The following UGGT1 variants were observed in gnomAD, a reference collection of about 807,000 sequenced individuals.
UGGT1 encodes the protein UDP-glucose:glycoprotein glucosyltransferase 1.
A neutral mutation model predicts 203.9 loss-of-function variants in UGGT1; 107 were observed. The ratio of observed to expected loss-of-function variants is 0.52; its 90% CI spans 0.45 to 0.62. The LOEUF (loss-of-function observed/expected upper bound fraction) is 0.62. Ranked by LOEUF, UGGT1 falls within the 20% of genes least tolerant of loss-of-function variation. The pLI, the probability that UGGT1 is intolerant of heterozygous loss-of-function variation, is 0.00. For synonymous variants in UGGT1, 628 were observed against 653.5 expected, an observed-to-expected ratio of 0.96 and a Z score of 0.59; for missense variants, 1,673 against 1,867.2, an observed-to-expected ratio of 0.90 and a Z score of 1.92.
intron 5 of UGGT1, among the ~76,000 whole-genome samples, chr2:128,110,788 A>T (rs974723454): frequency 6.6e-6 from 1 of 152,212 alleles, no homozygotes; most frequent in Non-Finnish European, 1.5e-5. Context: ...ACAAGTGGGT[A>T]TACCTCGTTA....
chr2:128,181,922 C>A (rs924531821), intron 36 of UGGT1, among the ~76,000 whole-genome samples: 2 of 152,174 alleles, frequency 1.3e-5, no homozygotes, highest in East Asian at 1.9e-4. Context: ...TTCCTACTCC[C>A]ACACACCTTG....
chr2:128,126,518 A>G (rs1011739563), intron 11 of UGGT1, among the ~76,000 whole-genome samples: 2 of 152,122 alleles, frequency 1.3e-5, no homozygotes, highest in Admixed American at 1.3e-4. Flanking sequence ...CTGGGATTAC[A>G]GGCATGAGCC....
Position 128,116,355 on chromosome 2 carries a change from C to T in UGGT1, c.872+12C>T. The T allele has an allele frequency of 6.4e-7, 1 of 1,574,048 alleles. No individual in the cohort carries two copies. The highest frequency in any genetic ancestry group is 8.7e-7 in the Non-Finnish European group (1 of 1,145,514). ...TTTGGAAAATTAAGGTATGTATGTT[C>T]TGTGTATTTTGGGAAACGCCCTCAT... On this transcript the variant is annotated intron_variant, in intron 8 of 40. Transcript: ENST00000259253.
rs190859514 is a variant in UGGT1, at chr2:128,110,909, T to C, written c.521+1163T>C. ...TGTTACAATAAGGCTATATGGAGCA[T>C]CTGTATTCATGTCTTTACTTTCTGC... On this transcript the variant is annotated intron_variant, in intron 5 of 40. Transcript: ENST00000259253. Among the ~76,000 whole-genome samples the C allele has an allele frequency of 7.9e-5, 12 of 152,330 alleles. No individual in the cohort carries two copies. In the East Asian group the frequency reaches 2.3e-3, roughly 29 times the overall value.
intron 2 of UGGT1, among the ~76,000 whole-genome samples, chr2:128,101,919 T>G (rs1056824566): frequency 1.3e-5 from 2 of 152,192 alleles, no homozygotes; most frequent in African/African-American, 4.8e-5. Flanking sequence ...ATTCTGGTTG[T>G]TTGTAGTTTT....
chr2:128,121,080 T>C lies in UGGT1; in HGVS notation c.974-119T>C, dbSNP rs1006853219. ...AAATCATGGGCACTCTCTGGAATGG[T>C]TGCATTCGAAGATATTCTTAATTAC... On this transcript the variant is annotated intron_variant, in intron 9 of 40. Transcript: ENST00000259253. The C allele has an allele frequency of 4.4e-6, 4 of 906,520 alleles. No individual in the cohort carries two copies. The African/African-American group carries it at 4.9e-5, about 11-fold the overall frequency. 56.2% of individuals were successfully genotyped at this position (906,520 alleles called of 1,614,324 possible).
intron 6 of UGGT1, 102 bp downstream of exon 6, chr2:128,113,360 T>C: frequency 1.0e-6 from 1 of 980,930 alleles, no homozygotes; most frequent in South Asian, 2.8e-5. Flanking sequence ...AATCTAGTTA[T>C]TTGAATCCCT....
intron 4 of UGGT1, among the ~76,000 whole-genome samples, chr2:128,108,574 G>C (rs1687709020): frequency 1.0e-5 from 1 of 99,352 alleles, no homozygotes; most frequent in Non-Finnish European, 2.2e-5. Context: ...CTTAAGAAGA[G>C]ACAGTCAAAG....
At chr2:128,143,021 G>T in intron 16 of UGGT1, 73 bp from the exon 17 acceptor site, 1 of 1,383,982 alleles carries the variant, frequency 7.2e-7, no homozygotes, top group Non-Finnish European at 9.6e-7. Context: ...TCTAAATTCA[G>T]AAAAATGTGG....
At chr2:128,155,162 A>C (rs566529156) in intron 19 of UGGT1, among the ~76,000 whole-genome samples, 22 of 152,180 alleles carry the variant, frequency 1.4e-4, no homozygotes, top group African/African-American at 5.3e-4. Flanking sequence ...GGGAAGGGAG[A>C]AATGAGTTAA....
chr2:128,120,545 A>G (rs977652838), intron 9 of UGGT1, 89 bp downstream of exon 9: 1 of 973,920 alleles, frequency 1.0e-6, no homozygotes, highest in Middle Eastern at 2.1e-4. Flanking sequence ...AATTGTATGT[A>G]GTACGTGATT....
At chr2:128,105,408 G>A (rs988658053) in intron 3 of UGGT1, among the ~76,000 whole-genome samples, 2 of 151,316 alleles carry the variant, frequency 1.3e-5, no homozygotes, top group Non-Finnish European at 2.9e-5. Context: ...AGACTCCTAG[G>A]GCTCAAGCGA....
chr2:128,145,525 T>A (rs7595270), intron 17 of UGGT1: 6 of 59,340 alleles, frequency 1.0e-4, no homozygotes, highest in African/African-American at 4.8e-4. Context: ...CACACACACA[T>A]ACACAAACAC....
In UGGT1 at chr2:128,091,310, G is replaced by C; in HGVS notation, c.-48G>C. On this transcript the variant is annotated 5_prime_UTR_variant, in exon 1 of 41. Coordinates refer to ENST00000259253, the MANE Select transcript of UGGT1 (RefSeq NM_020120.4). ...TGCCGCTGCCGCCTCGCCCCGCCCTGCCCTGGCGTTGTCTCTGGCACTGTG... is the reference window on the plus strand; with the variant it reads ...TGCCGCTGCCGCCTCGCCCCGCCCTCCCCTGGCGTTGTCTCTGGCACTGTG... 1 of 1,521,214 alleles carries C rather than the reference G, an allele frequency of 6.6e-7. No homozygotes were observed. The highest frequency in any genetic ancestry group is 1.2e-5 in the South Asian group (1 of 82,372). 94.2% of individuals were successfully genotyped at this position (1,521,214 alleles called of 1,614,324 possible). A position where few individuals can be genotyped will look rare whatever the true frequency, so the allele number is the denominator to read the frequency against.
At chr2:128,145,722 G>A in intron 17 of UGGT1, 81 bp from the exon 18 acceptor site, 2 of 1,222,276 alleles carry the variant, frequency 1.6e-6, no homozygotes, top group Non-Finnish European at 2.2e-6. Context: ...GTTAGAACAG[G>A]CATGTAAGAA....
chr2:128,155,451 C>T, intron 19 of UGGT1, 38 bp from the exon 20 acceptor site: 1 of 1,455,874 alleles, frequency 6.9e-7, no homozygotes, highest in South Asian at 1.2e-5. Context: ...ATAGATTGAA[C>T]TGGAACTAAT....
intron 35 of UGGT1, 131 bp from the exon 36 acceptor site, chr2:128,180,759 G>T: frequency 1.1e-6 from 1 of 896,446 alleles, no homozygotes; most frequent in Admixed American, 2.9e-5. Flanking sequence ...GGTCACGGCC[G>T]GTCTTTGTAA....
At chr2:128,142,584 CAAAA>C (rs140971109) in intron 16 of UGGT1, among the ~76,000 whole-genome samples, 5 of 57,404 alleles carry the variant, frequency 8.7e-5, no homozygotes, top group Admixed American at 2.0e-4. Context: ...GACTCCATCT[CAAAA>C]AAAAAAAAAA....
chr2:128,173,979 G>A lies in UGGT1; in HGVS notation c.3453+40G>A, dbSNP rs73955975. 1,503 of 1,598,122 alleles carry A rather than the reference G, an allele frequency of 9.4e-4. 11 individuals carry two copies. In the African/African-American group the frequency reaches 0.015, roughly 16 times the overall value. On this transcript the variant is annotated intron_variant, in intron 30 of 40. Coordinates refer to ENST00000259253, the MANE Select transcript of UGGT1 (RefSeq NM_020120.4). Reference sequence around the variant, plus strand: ...CATCAGATAGTGATATTGTAGTTACGTTAATTTGGGCACTATAATTTATGA... The same window carrying A: ...CATCAGATAGTGATATTGTAGTTACATTAATTTGGGCACTATAATTTATGA...
Sources: gnomAD v4.1 joint callset for allele counts (sites outside exome capture counted in the v4.1 genomes callset) on GRCh38, gnomAD v4.1.1 for gene constraint, MANE v1.5 for transcripts, NCBI Gene and HGNC (gene_info 2026-07-23, HGNC 2026-07-21) for gene names.